The following ZNF354A variants were observed in gnomAD, a reference collection of about 807,000 sequenced individuals.
The protein encoded by ZNF354A is epididymis luminal protein 104.
In ZNF354A, 25 loss-of-function variants were observed where a neutral mutation model predicts 53.3. That is an observed-to-expected ratio of 0.47 (90% CI 0.34 to 0.66). The LOEUF is 0.66. ZNF354A is among the 30% of genes least tolerant of loss of function. The pLI, the probability that ZNF354A is intolerant of heterozygous loss-of-function variation, is 0.01. For missense variants in ZNF354A, 586 were observed against 716.8 expected (o/e 0.82, Z 2.08); for synonymous variants, 228 against 249.0 (o/e 0.92, Z 0.79).
intron 4 of ZNF354A, among the ~76,000 whole-genome samples, chr5:178,715,392 T>C (rs1241697174): frequency 1.3e-5 from 2 of 152,098 alleles, no homozygotes; most frequent in Non-Finnish European, 1.5e-5. Context: ...TTCCCTAGGG[T>C]TTTGGATTTT....
intron 2 of ZNF354A, 102 bp from the exon 3 acceptor site, chr5:178,727,227 T>G (rs1765928855): frequency 3.1e-6 from 4 of 1,287,614 alleles, no homozygotes; most frequent in Non-Finnish European, 4.2e-6. Flanking sequence ...TCCCATACTA[T>G]TCAAGCTTCT....
intron 2 of ZNF354A, among the ~76,000 whole-genome samples, chr5:178,728,782 CAAAAAA>C (rs1157233878): frequency 3.9e-5 from 2 of 50,884 alleles, no homozygotes; most frequent in African/African-American, 1.9e-4. Flanking sequence ...AAGCGAGATT[CAAAAAA>C]AAAAAAAAAA....
At chr5:178,726,146 T>A (rs1199665822) in intron 3 of ZNF354A, 1 of 455,270 alleles carries the variant, frequency 2.2e-6, no homozygotes, top group African/African-American at 2.0e-5. Flanking sequence ...CCGGCCTATG[T>A]GACTCCCTTT....
chr5:178,720,788 A>G (rs183198819), intron 4 of ZNF354A, among the ~76,000 whole-genome samples: 1 of 152,348 alleles, frequency 6.6e-6, no homozygotes, highest in African/African-American at 2.4e-5. Context: ...TTTCATCTGT[A>G]AAAACATCAA....
intron 4 of ZNF354A, among the ~76,000 whole-genome samples, chr5:178,718,330 A>C (rs1461845295): frequency 6.6e-6 from 1 of 152,214 alleles, no homozygotes; most frequent in Non-Finnish European, 1.5e-5. Context: ...GTGAAGACCT[A>C]GGTCAGAAGT....
chr5:178,728,019 T>A (rs964538071), intron 2 of ZNF354A, among the ~76,000 whole-genome samples: 2 of 152,104 alleles, frequency 1.3e-5, no homozygotes, highest in African/African-American at 2.4e-5. Context: ...CCCGGCTAAT[T>A]TTTGTATTTT....
rs573358044 is a variant in ZNF354A at position 178,713,005 on chromosome 5, G to C, written c.873C>G (p.Thr291=). The C allele has an allele frequency of 3.1e-6, 5 of 1,613,910 alleles. No individual in the cohort carries two copies. The South Asian group carries it at 5.5e-5, about 18-fold the overall frequency. Residue 291 remains threonine, a synonymous_variant, in exon 5 of 5, where the codon ACC becomes ACG. Transcript: ENST00000335815. The part of the protein sequence containing the change: ...LSTSLYKHLR[T]HTVEKSYRCK... ...ATCTGTAGGATTTCTCCACAGTATGGGTTCTTAGATGTTTATAAAGGGATG... is the reference window on the plus strand; with the variant it reads ...ATCTGTAGGATTTCTCCACAGTATGCGTTCTTAGATGTTTATAAAGGGATG...
At chr5:178,718,016 G>A (rs773590214) in intron 4 of ZNF354A, among the ~76,000 whole-genome samples, 6 of 152,148 alleles carry the variant, frequency 3.9e-5, no homozygotes, top group Non-Finnish European at 7.3e-5. Flanking sequence ...CTTTTCAACA[G>A]TTTCTAAAGG....
chr5:178,725,926 C>A (rs1319541735), intron 3 of ZNF354A: 5 of 277,824 alleles, frequency 1.8e-5, no homozygotes, highest in East Asian at 9.5e-5. Context: ...TGGCTCACTG[C>A]AACCTCCGTC....
At chr5:178,720,328 C>T (rs1765789544) in intron 4 of ZNF354A, among the ~76,000 whole-genome samples, 1 of 152,168 alleles carries the variant, frequency 6.6e-6, no homozygotes, top group Non-Finnish European at 1.5e-5. Flanking sequence ...AGAACGTGAC[C>T]TTACTTTAAA....
At chr5:178,727,395 G>T (rs1186510680) in intron 2 of ZNF354A, among the ~76,000 whole-genome samples, 1 of 152,136 alleles carries the variant, frequency 6.6e-6, no homozygotes, top group Non-Finnish European at 1.5e-5. Context: ...TCTTTCTGAT[G>T]GCGATTTGCT....
intron 4 of ZNF354A, among the ~76,000 whole-genome samples, chr5:178,723,627 G>A (rs1458436697): frequency 6.6e-6 from 1 of 152,108 alleles, no homozygotes; most frequent in East Asian, 1.9e-4. Flanking sequence ...TCTTTCCCAC[G>A]TGGTCCTCAC....
chr5:178,718,174 G>T (rs151199369), intron 4 of ZNF354A, among the ~76,000 whole-genome samples: 6 of 152,260 alleles, frequency 3.9e-5, no homozygotes, highest in African/African-American at 1.4e-4. Context: ...AGAAGCAGAC[G>T]TAAGTTTTGG....
At chr5:178,720,087 C>T (rs973250689) in intron 4 of ZNF354A, among the ~76,000 whole-genome samples, 1 of 152,196 alleles carries the variant, frequency 6.6e-6, no homozygotes, top group Non-Finnish European at 1.5e-5. Flanking sequence ...CCTCTATCAT[C>T]TTTGTGCTGG....
rs776230220 is a variant in ZNF354A, at chr5:178,713,367, T to C, written c.511A>G (p.Lys171Glu). 7 of 1,614,038 alleles carry C rather than the reference T, an allele frequency of 4.3e-6. No homozygotes were observed. Among genetic ancestry groups the C allele is most frequent in the South Asian group, 1.1e-5 (1 of 91,076 alleles). ...ATCTGTTGCCTAATAAGCACTGACT[T>C]TGGGCTGAAGTTTTGGCTCAATTCA... ...NTELSQNFSP[K>E]SVLIRQQILP... Residue 171 changes from lysine to glutamate, a missense_variant, in exon 5 of 5, where the codon AAG becomes GAG. Lys to Glu is a moderately conservative substitution (Grantham distance 56). This residue lies in a region of ZNF354A where 573 missense variants were observed against 680.1 expected (regional missense o/e 0.84). Coordinates refer to ENST00000335815, the MANE Select transcript of ZNF354A (RefSeq NM_005649.3).
rs150881099 is a variant in ZNF354A at position 178,715,660 on chromosome 5, G to A, written c.257-2039C>T. Among the ~76,000 whole-genome samples the A allele has an allele frequency of 6.6e-4, 100 of 152,232 alleles. 2 individuals carry two copies. In the East Asian group the frequency reaches 0.017, roughly 26 times the overall value. ...GTTTCTAGGCTTAATATATGTGCTG[G>A]GAAGAAGGCAGCAGCAAGATTCTGC... On this transcript the variant is annotated intron_variant, in intron 4 of 4. Transcript: ENST00000335815.
At chr5:178,730,335 A>G (rs1161967288) in intron 1 of ZNF354A, among the ~76,000 whole-genome samples, 1 of 151,908 alleles carries the variant, frequency 6.6e-6, no homozygotes, top group Non-Finnish European at 1.5e-5. Flanking sequence ...CCGGGAGGAA[A>G]CGCCAGGCCC....
At position 178,711,608 on chromosome 5, in the gene ZNF354A, TTTTTC is replaced by T. The variant is rs752081958; in HGVS notation, c.*447_*451del. The T allele has an allele frequency of 1.5e-3, 235 of 153,904 alleles. 1 individual carries two copies. The highest frequency in any genetic ancestry group is 2.5e-3 in the Admixed American group (39 of 15,422). The allele number at this position is 153,904 out of a possible 1,614,324, so 9.5% of individuals were successfully genotyped here. A position where few individuals can be genotyped will look rare whatever the true frequency, so the allele number is the denominator to read the frequency against. On this transcript the variant is annotated 3_prime_UTR_variant, in exon 5 of 5. Transcript: ENST00000335815. ...AGACTGAGAGGTAGTTCATAATTCA[TTTTTC>T]TTTTATTTTGGTCCTTTTCTCTAAA...
chr5:178,711,927 A>G lies in ZNF354A; in HGVS notation c.*133T>C. On this transcript the variant is annotated 3_prime_UTR_variant, in exon 5 of 5. Transcript: ENST00000335815. ...TCTATTATATAGCTGAGGTTTATCC[A>G]TGGAATTAAATACCTAATGAGGGCT... 1 of 1,104,972 alleles carries G rather than the reference A, an allele frequency of 9.1e-7. No individual in the cohort carries two copies. The highest frequency in any genetic ancestry group is 1.3e-6 in the Non-Finnish European group (1 of 798,546). 68.4% of individuals were successfully genotyped at this position (1,104,972 alleles called of 1,614,324 possible).
Sources: gnomAD v4.1 joint callset for allele counts (sites outside exome capture counted in the v4.1 genomes callset) on GRCh38, gnomAD v4.1.1 for gene constraint, gnomAD v4.1.1 regional missense constraint, MANE v1.5 for transcripts, NCBI Gene and HGNC (gene_info 2026-07-23, HGNC 2026-07-21) for gene names.